Variants in SCAF11 observed in about 807,000 individuals in gnomAD.
SCAF11 encodes the protein protein SCAF11.
SCAF11 carries 47 observed loss-of-function variants against 140.5 expected under a neutral mutation model. That is an observed-to-expected ratio of 0.33 (90% confidence interval 0.26 to 0.43). The LOEUF (loss-of-function observed/expected upper bound fraction) is 0.43, where lower values mean the gene tolerates loss of function less well. SCAF11 is among the 20% of genes least tolerant of loss of function. SCAF11 has a pLI of 1.00. For synonymous variants in SCAF11, 557 were observed against 579.4 expected (o/e 0.96, Z 0.55); for missense variants, 1,645 against 1,705.1 (o/e 0.96, Z 0.62).
chr12:45,986,047 T>G (rs1004614255), intron 1 of SCAF11, among the ~76,000 whole-genome samples: 1 of 152,186 alleles, frequency 6.6e-6, no homozygotes, highest in African/African-American at 2.4e-5. Context: ...CCAGCAAAGT[T>G]TTTTAAATGT....
At chr12:45,982,254 T>G (rs1404386689) in intron 1 of SCAF11, among the ~76,000 whole-genome samples, 3 of 152,200 alleles carry the variant, frequency 2.0e-5, no homozygotes, top group Non-Finnish European at 2.9e-5. Flanking sequence ...CTGTCCTATC[T>G]GAAGGGTTTT....
chr12:45,934,304 G>C lies in SCAF11; in HGVS notation c.523-19C>G, dbSNP rs369011210. On this transcript the variant is annotated intron_variant, in intron 7 of 14. Transcript: ENST00000369367. Reference sequence around the variant, plus strand: ...TCTGAGGCTAGAAAAGTAAAAAGTAGTTAGTGAAACAGCAAATAAATAACA... The same window carrying C: ...TCTGAGGCTAGAAAAGTAAAAAGTACTTAGTGAAACAGCAAATAAATAACA... 24 of 1,534,432 alleles carry C rather than the reference G, an allele frequency of 1.6e-5. No homozygotes were observed. The highest frequency in any genetic ancestry group is 1.9e-5 in the Non-Finnish European group (21 of 1,115,092).
At chr12:45,942,419 C>CT (rs1945323769) in intron 6 of SCAF11, among the ~76,000 whole-genome samples, 1 of 152,208 alleles carries the variant, frequency 6.6e-6, no homozygotes, top group African/African-American at 2.4e-5. Flanking sequence ...TCTTATTCGT[C>CT]TATGATTTTC....
rs1313680655 is a variant in SCAF11, at chr12:45,926,710, T to A, written c.2991A>T (p.Arg997Ser). ...CTAGATGGATGTCATTTTTTTCTTT[T>A]CTTGTATTTTCATTCTGTTTCTCTG... Reference protein sequence around the residue: ...NDPEKQNENTRKEKNDIHLDA... With the variant: ...NDPEKQNENTSKEKNDIHLDA... The change falls in exon 11 of 15, where the codon AGA (arginine) becomes AGT (serine). Residue 997 changes from arginine to serine, a missense_variant. Coordinates refer to ENST00000369367, the MANE Select transcript of SCAF11 (RefSeq NM_004719.3). 1 of 1,613,242 alleles carries A rather than the reference T, an allele frequency of 6.2e-7. No individual in the cohort carries two copies. The highest frequency in any genetic ancestry group is 8.5e-7 in the Non-Finnish European group (1 of 1,179,908).
intron 6 of SCAF11, among the ~76,000 whole-genome samples, chr12:45,941,802 GAAC>G (rs1945308084): frequency 6.6e-6 from 1 of 152,114 alleles, no homozygotes; most frequent in South Asian, 2.1e-4. Context: ...GCTGACCCTT[GAAC>G]AACATGTGTT....
chr12:45,970,015 C>T (rs1946037656), intron 1 of SCAF11, among the ~76,000 whole-genome samples: 1 of 152,226 alleles, frequency 6.6e-6, no homozygotes, highest in East Asian at 1.9e-4. Flanking sequence ...TCTGCCTCAG[C>T]CTCCTGAGTA....
intron 1 of SCAF11, among the ~76,000 whole-genome samples, chr12:45,964,747 T>A (rs1945904970): frequency 6.6e-6 from 1 of 151,920 alleles, no homozygotes; most frequent in African/African-American, 2.4e-5. Flanking sequence ...GGCACAGACA[T>A]AAATGCAATT....
intron 1 of SCAF11, among the ~76,000 whole-genome samples, chr12:45,972,897 T>G (rs28837853): frequency 1.5e-5 from 1 of 64,850 alleles, no homozygotes; most frequent in South Asian, 5.0e-4. Flanking sequence ...TATATAGATA[T>G]ATATATATAT....
At chr12:45,976,057 T>A (rs1946225277) in intron 1 of SCAF11, among the ~76,000 whole-genome samples, 1 of 152,110 alleles carries the variant, frequency 6.6e-6, no homozygotes, top group South Asian at 2.1e-4. Context: ...ATATGCAGTA[T>A]CTACAAAACA....
chr12:45,988,329 T>C (rs546679013), intron 1 of SCAF11, among the ~76,000 whole-genome samples: 5 of 152,348 alleles, frequency 3.3e-5, no homozygotes, highest in Non-Finnish European at 7.4e-5. Context: ...ATCTCTGATA[T>C]ACTTTAAAAG....
Position 45,928,982 on chromosome 12 carries a change from A to G in SCAF11, c.842-123T>C, listed in dbSNP as rs553433094. On this transcript the variant is annotated intron_variant, in intron 10 of 14. Coordinates refer to ENST00000369367, the MANE Select transcript of SCAF11 (RefSeq NM_004719.3). ...GTGAAACTAAATACTTATAAATAAAACTATTAATAAATGCATAGCTACTAA... is the reference window on the plus strand; with the variant it reads ...GTGAAACTAAATACTTATAAATAAAGCTATTAATAAATGCATAGCTACTAA... 65 of 503,866 alleles carry G rather than the reference A, an allele frequency of 1.3e-4. No homozygotes were observed. In the East Asian group the frequency reaches 1.9e-3, roughly 14 times the overall value. The allele number at this position is 503,866 out of a possible 1,614,324, so 31.2% of individuals were successfully genotyped here. A position where few individuals can be genotyped will look rare whatever the true frequency, so the allele number is the denominator to read the frequency against.
At position 45,926,840 on chromosome 12, in the gene SCAF11, AATG is replaced by A; in HGVS notation, c.2858_2860del (p.Ser953del). On this transcript the variant is annotated inframe_deletion, in exon 11 of 15. Coordinates refer to ENST00000369367, the MANE Select transcript of SCAF11 (RefSeq NM_004719.3). ...GTAACTATCTCTGTCAATTCTACCA[AATG>A]ATGAACTCTTACTTTTTGTTCTACA... 6.2e-7 allele frequency: 1 copy of A among 1,614,114 alleles called. No individual in the cohort carries two copies. Among genetic ancestry groups the A allele is most frequent in the Non-Finnish European group, 8.5e-7 (1 of 1,180,034 alleles).
intron 13 of SCAF11, 105 bp downstream of exon 13, chr12:45,922,831 C>T (rs1700756301): frequency 1.9e-6 from 2 of 1,052,104 alleles, no homozygotes; most frequent in Non-Finnish European, 2.9e-6. Flanking sequence ...GGCATTTAGA[C>T]AGCCAATAAG....
At chr12:45,922,295 C>T in intron 14 of SCAF11, 101 bp from the exon 15 acceptor site, 1 of 1,467,042 alleles carries the variant, frequency 6.8e-7, no homozygotes, top group Non-Finnish European at 9.1e-7. Flanking sequence ...GATAACCAGA[C>T]TTATTTTCAT....
At chr12:45,957,697 G>A (rs1945724325) in intron 3 of SCAF11, among the ~76,000 whole-genome samples, 1 of 152,034 alleles carries the variant, frequency 6.6e-6, no homozygotes, top group African/African-American at 2.4e-5. Flanking sequence ...AAAGATAAGG[G>A]AAATATTTTA....
At chr12:45,934,062 A>C (rs1457397284) in intron 8 of SCAF11, 114 bp downstream of exon 8, 12 of 580,822 alleles carry the variant, frequency 2.1e-5, no homozygotes, top group Admixed American at 3.8e-5. Flanking sequence ...AAAGCAAAAC[A>C]ACCAGGTGGG....
In SCAF11 at chr12:45,966,332, T is replaced by C. The variant is rs1471882972; in HGVS notation, c.-21-2144A>G. 2.0e-5 allele frequency among the ~76,000 whole-genome samples: 3 copies of C among 152,082 alleles called. No individual in the cohort carries two copies. In the East Asian group the frequency reaches 5.8e-4, roughly 29 times the overall value. On this transcript the variant is annotated intron_variant, in intron 1 of 14. Transcript: ENST00000369367. ...TTCAAGCAAAGGCCCAGTGATCTTT[T>C]GTGGGATTTTTTTTTTTTTAGCTCC...
intron 7 of SCAF11, 61 bp from the exon 8 acceptor site, chr12:45,934,346 A>C: frequency 7.3e-7 from 1 of 1,366,152 alleles, no homozygotes; most frequent in Non-Finnish European, 1.0e-6. Flanking sequence ...TAATAGTTAT[A>C]CTTAAATATT....
intron 3 of SCAF11, among the ~76,000 whole-genome samples, chr12:45,953,655 T>G (rs1945606023): frequency 6.6e-6 from 1 of 152,094 alleles, no homozygotes; most frequent in Admixed American, 6.5e-5. Flanking sequence ...AGAGAAACAT[T>G]AAAAAAAGGT....
Sources: gnomAD v4.1 joint callset for allele counts (sites outside exome capture counted in the v4.1 genomes callset) on GRCh38, gnomAD v4.1.1 for gene constraint, MANE v1.5 for transcripts, NCBI Gene and HGNC (gene_info 2026-07-23, HGNC 2026-07-21) for gene names.